TMEM132D: variants seen among roughly 807,000 people sequenced by gnomAD.
The protein encoded by TMEM132D is mature OL transmembrane protein.
TMEM132D carries 21 observed loss-of-function variants against 62.3 expected under a neutral mutation model. That is an observed-to-expected ratio of 0.34 (90% CI 0.24 to 0.49). The LOEUF (loss-of-function observed/expected upper bound fraction) is 0.49. TMEM132D is among the 20% of genes least tolerant of loss of function. TMEM132D has a pLI of 0.99. For missense variants in TMEM132D, 1,346 were observed against 1,402.8 expected (o/e 0.96, Z 0.65); for synonymous variants, 621 against 575.6 (o/e 1.08, Z -1.13).
intron 4 of TMEM132D, among the ~76,000 whole-genome samples, chr12:129,309,648 T>C (rs1327909925): frequency 6.6e-6 from 1 of 152,088 alleles, no homozygotes; most frequent in African/African-American, 2.4e-5. Context: ...TTCTTTTCCA[T>C]TGTTGCTGGT....
At chr12:129,814,868 T>C (rs947917730) in intron 1 of TMEM132D, among the ~76,000 whole-genome samples, 2 of 152,114 alleles carry the variant, frequency 1.3e-5, no homozygotes, top group Non-Finnish European at 2.9e-5. Context: ...ATTGCTACCT[T>C]CTTATCCTTC....
chr12:129,250,765 A>C (rs929312287), intron 4 of TMEM132D, among the ~76,000 whole-genome samples: 2 of 152,196 alleles, frequency 1.3e-5, no homozygotes, highest in African/African-American at 4.8e-5. Flanking sequence ...CATGAGCTCC[A>C]CTGGAGTCTG....
At chr12:129,469,279 G>A (rs1298077821) in intron 3 of TMEM132D, among the ~76,000 whole-genome samples, 1 of 152,164 alleles carries the variant, frequency 6.6e-6, no homozygotes, top group African/African-American at 2.4e-5. Flanking sequence ...ACTCATGGTA[G>A]ACATTTCTGG....
In TMEM132D at chr12:129,623,740, T is replaced by C. The variant is rs1005840279; in HGVS notation, c.968+76070A>G. ...ATATATATACATACATATATACATA[T>C]ATATACACATATATATACACACATA... On this transcript the variant is annotated intron_variant, in intron 2 of 8. Transcript: ENST00000422113. Among the ~76,000 whole-genome samples, 431 of 130,330 alleles carry C rather than the reference T, an allele frequency of 3.3e-3. 1 individual carries two copies. Among genetic ancestry groups the C allele is most frequent in the African/African-American group, 0.012 (405 of 33,282 alleles). The allele number at this position is 130,330 out of a possible 152,430, so 85.5% of individuals were successfully genotyped here. A position where few individuals can be genotyped will look rare whatever the true frequency, so the allele number is the denominator to read the frequency against.
rs1207555163 is a variant in TMEM132D at position 129,357,300 on chromosome 12, AAAG to A, written c.1116-19486_1116-19484del. ...AGGGAGGGAGGAAGGAGAAAGAAAG[AAAG>A]AAGGAAGAAAGGAAGGAGGGAAGGA... On this transcript the variant is annotated intron_variant, in intron 3 of 8. Transcript: ENST00000422113. Among the ~76,000 whole-genome samples the A allele has an allele frequency of 3.4e-5, 5 of 148,906 alleles. No individual in the cohort carries two copies. In the East Asian group the frequency reaches 9.8e-4, roughly 29 times the overall value.
In TMEM132D at chr12:129,662,707, C is replaced by T. The variant is rs955044470; in HGVS notation, c.968+37103G>A. On this transcript the variant is annotated intron_variant, in intron 2 of 8. Coordinates refer to ENST00000422113, the MANE Select transcript of TMEM132D (RefSeq NM_133448.3). ...AATCAGGAGGCTGAGGCAGGAGAAT[C>T]GCTTGAACCTGGGAGACGGAGGTTG... Among the ~76,000 whole-genome samples the T allele has an allele frequency of 4.1e-5, 6 of 147,132 alleles. No individual in the cohort carries two copies. In the South Asian group the frequency reaches 6.6e-4, roughly 16 times the overall value.
intron 2 of TMEM132D, among the ~76,000 whole-genome samples, chr12:129,658,832 T>C (rs1880163268): frequency 6.6e-6 from 1 of 152,080 alleles, no homozygotes; most frequent in Admixed American, 6.5e-5. Context: ...TAATGAAGGA[T>C]GAGAGGCCAT....
At chr12:129,654,376 C>G (rs566404831) in intron 2 of TMEM132D, among the ~76,000 whole-genome samples, 1 of 140,704 alleles carries the variant, frequency 7.1e-6, no homozygotes, top group Non-Finnish European at 1.6e-5. Context: ...AACTTTGGTA[C>G]AGGTGTTTTT....
intron 5 of TMEM132D, among the ~76,000 whole-genome samples, chr12:129,138,291 C>G (rs1340906571): frequency 6.6e-5 from 10 of 152,146 alleles, no homozygotes; most frequent in Non-Finnish European, 4.4e-5. Context: ...TGGCCACTAT[C>G]CAAAACCTTG....
At chr12:129,218,054 C>T (rs561837678) in intron 4 of TMEM132D, among the ~76,000 whole-genome samples, 9 of 152,130 alleles carry the variant, frequency 5.9e-5, no homozygotes, top group South Asian at 2.1e-4. Flanking sequence ...GGAGTGAGGC[C>T]GGGTCAAGAA....
At chr12:129,517,773 A>T (rs1875725998) in intron 3 of TMEM132D, among the ~76,000 whole-genome samples, 1 of 152,186 alleles carries the variant, frequency 6.6e-6, no homozygotes, top group Non-Finnish European at 1.5e-5. Context: ...TTCCAAAATT[A>T]GTTTGGAGGT....
chr12:129,422,523 A>G (rs1268589948), intron 3 of TMEM132D, among the ~76,000 whole-genome samples: 3 of 152,226 alleles, frequency 2.0e-5, no homozygotes, highest in African/African-American at 7.2e-5. Context: ...TCAGATTAGC[A>G]AGAATTAGAT....
At chr12:129,082,128 G>C in intron 6 of TMEM132D, 96 bp from the exon 7 acceptor site, 1 of 1,443,178 alleles carries the variant, frequency 6.9e-7, no homozygotes, top group East Asian at 2.3e-5. Context: ...AGGTAGGTAG[G>C]CCATGAGACT....
intron 4 of TMEM132D, among the ~76,000 whole-genome samples, chr12:129,249,050 G>A (rs930975957): frequency 7.2e-5 from 11 of 152,090 alleles, no homozygotes; most frequent in African/African-American, 2.4e-4. Flanking sequence ...AGAAAACGTG[G>A]CACTTAAAAT....
At chr12:129,337,505 G>A in intron 4 of TMEM132D, 129 bp downstream of exon 4, 1 of 1,046,574 alleles carries the variant, frequency 9.6e-7, no homozygotes, top group Non-Finnish European at 1.4e-6. Context: ...CAACTTTGTG[G>A]TTTCGTTTCT....
intron 2 of TMEM132D, among the ~76,000 whole-genome samples, chr12:129,665,982 A>G (rs1880367499): frequency 6.6e-6 from 1 of 152,194 alleles, no homozygotes; most frequent in African/African-American, 2.4e-5. Flanking sequence ...AATAAATTGT[A>G]TTTTAATTTT....
At chr12:129,342,324 A>G (rs953137058) in intron 3 of TMEM132D, among the ~76,000 whole-genome samples, 1 of 152,234 alleles carries the variant, frequency 6.6e-6, no homozygotes, top group Non-Finnish European at 1.5e-5. Flanking sequence ...AGCAATGGGG[A>G]AAGGATTCCC....
chr12:129,646,281 C>A (rs1460487566), intron 2 of TMEM132D, among the ~76,000 whole-genome samples: 1 of 152,144 alleles, frequency 6.6e-6, no homozygotes, highest in African/African-American at 2.4e-5. Flanking sequence ...CACCTTTCAG[C>A]AGGTATTATT....
At chr12:129,623,758 CACACATATATATACACAT>C (rs1397147264) in intron 2 of TMEM132D, among the ~76,000 whole-genome samples, 17 of 123,074 alleles carry the variant, frequency 1.4e-4, no homozygotes, top group African/African-American at 5.4e-4. Flanking sequence ...CATATATATA[CACACATATATATACACAT>C]ATATATATAT....
Sources: allele counts gnomAD v4.1 joint callset (sites outside exome capture counted in the v4.1 genomes callset), GRCh38; gene constraint gnomAD v4.1.1; transcripts MANE v1.5; gene names NCBI Gene and HGNC (gene_info 2026-07-23, HGNC 2026-07-21).